RAB10: variants seen among roughly 807,000 people sequenced by gnomAD.
The protein encoded by RAB10 is RAB10, member RAS oncogene family.
RAB10 carries 5 observed loss-of-function variants against 25.7 expected under a neutral mutation model. The ratio of observed to expected loss-of-function variants is 0.19; its 90% CI spans 0.10 to 0.41. The LOEUF (loss-of-function observed/expected upper bound fraction) is 0.41, where lower values mean the gene tolerates loss of function less well. RAB10 is among the 10% of genes least tolerant of loss of function. The pLI, the probability that RAB10 is intolerant of heterozygous loss-of-function variation, is 1.00. For synonymous variants in RAB10, 89 were observed against 86.4 expected, an observed-to-expected ratio of 1.03 and a Z score of -0.16; for missense variants, 103 against 245.8, an observed-to-expected ratio of 0.42 and a Z score of 3.89.
chr2:26,062,492 A>G (rs1394980918), intron 1 of RAB10, among the ~76,000 whole-genome samples: 3 of 151,994 alleles, frequency 2.0e-5, no homozygotes, highest in African/African-American at 7.3e-5. Context: ...AGCATGGTCA[A>G]CCTGGTGAGA....
rs35749938 is a variant in RAB10, at chr2:26,104,737, A to ATTT, written c.189-5015_189-5013dup. Among the ~76,000 whole-genome samples the ATTT allele has an allele frequency of 2.6e-3, 346 of 133,374 alleles. 3 individuals carry two copies. Among genetic ancestry groups the ATTT allele is most frequent in the African/African-American group, 9.2e-3 (330 of 35,904 alleles). 87.5% of individuals were successfully genotyped at this position (133,374 alleles called of 152,430 possible). On this transcript the variant is annotated intron_variant, in intron 2 of 5. Transcript: ENST00000264710. ...TTAGGTCTTGATCTGTTTTGAGGTA[A>ATTT]TTTTTTTTTTTTTTTTTTGAGATGG...
intron 1 of RAB10, among the ~76,000 whole-genome samples, chr2:26,085,030 C>A (rs2149275134): frequency 6.6e-6 from 1 of 152,278 alleles, no homozygotes; most frequent in South Asian, 2.1e-4. Flanking sequence ...TTCAATTTAG[C>A]TTTGATTCTG....
At chr2:26,046,736 A>G (rs940997813) in intron 1 of RAB10, among the ~76,000 whole-genome samples, 4 of 152,184 alleles carry the variant, frequency 2.6e-5, no homozygotes, top group Admixed American at 1.3e-4. Context: ...TGTGTTTCAC[A>G]TACGACCCAG....
intron 3 of RAB10, among the ~76,000 whole-genome samples, chr2:26,117,614 C>T (rs768019245): frequency 9.3e-5 from 12 of 129,322 alleles, no homozygotes; most frequent in East Asian, 4.6e-4. Context: ...AGCGAGACTC[C>T]GTCTCAAAAA....
Position 26,034,492 on chromosome 2 carries a change from T to G in RAB10, c.-117T>G. ...AGGTCGCCCGCGCCGTCTCGAGCCT[T>G]TTTCCCACGCTTCCCCGGTCCTCCG... is the stretch of plus-strand genomic sequence containing the variant. On this transcript the variant is annotated 5_prime_UTR_variant, in exon 1 of 6. Transcript: ENST00000264710. 1 of 1,434,312 alleles carries G rather than the reference T, an allele frequency of 7.0e-7. No homozygotes were observed. The highest frequency in any genetic ancestry group is 9.4e-7 in the Non-Finnish European group (1 of 1,061,940). The allele number at this position is 1,434,312 out of a possible 1,614,324, so 88.8% of individuals were successfully genotyped here. A position where few individuals can be genotyped will look rare whatever the true frequency, so the allele number is the denominator to read the frequency against.
At chr2:26,103,373 C>G (rs552618718) in intron 2 of RAB10, among the ~76,000 whole-genome samples, 1 of 152,130 alleles carries the variant, frequency 6.6e-6, no homozygotes, top group African/African-American at 2.4e-5. Flanking sequence ...TAGGAACAAA[C>G]TTACGAATTT....
At chr2:26,076,524 A>G (rs548394115) in intron 1 of RAB10, among the ~76,000 whole-genome samples, 1 of 152,178 alleles carries the variant, frequency 6.6e-6, no homozygotes, top group Non-Finnish European at 1.5e-5. Flanking sequence ...AGAACACCTT[A>G]TTTTGGAAGG....
intron 1 of RAB10, among the ~76,000 whole-genome samples, chr2:26,091,050 A>C (rs187251583): frequency 6.6e-6 from 1 of 152,256 alleles, no homozygotes; most frequent in African/African-American, 2.4e-5. Context: ...GTGATGTTTC[A>C]AATTAAGGGC....
chr2:26,102,298 A>C (rs1344487145), intron 2 of RAB10, among the ~76,000 whole-genome samples: 1 of 152,162 alleles, frequency 6.6e-6, no homozygotes, highest in Non-Finnish European at 1.5e-5. Context: ...TGTGCCTGGA[A>C]TAATGTCTAG....
chr2:26,132,547 G>A (rs1039766957), intron 5 of RAB10, among the ~76,000 whole-genome samples: 12 of 152,110 alleles, frequency 7.9e-5, no homozygotes, highest in African/African-American at 2.2e-4. Flanking sequence ...GCCACCACGC[G>A]TGACCTGAAA....
intron 1 of RAB10, among the ~76,000 whole-genome samples, chr2:26,081,162 T>TG (rs1322669864): frequency 6.6e-6 from 1 of 152,326 alleles, no homozygotes; most frequent in Middle Eastern, 3.4e-3. Context: ...TGCTCTTCCT[T>TG]GCCTTCTGCC....
chr2:26,123,856 G>C (rs1290552825), intron 3 of RAB10, among the ~76,000 whole-genome samples: 1 of 152,090 alleles, frequency 6.6e-6, no homozygotes, highest in Non-Finnish European at 1.5e-5. Context: ...AAGCAAAAAA[G>C]AAATTACAAT....
chr2:26,064,901 T>G (rs543118994), intron 1 of RAB10, among the ~76,000 whole-genome samples: 1 of 152,166 alleles, frequency 6.6e-6, no homozygotes, highest in Admixed American at 6.5e-5. Context: ...GCGCACACAC[T>G]CACTGTCTTA....
chr2:26,062,302 A>G (rs1666416112), intron 1 of RAB10, among the ~76,000 whole-genome samples: 1 of 152,152 alleles, frequency 6.6e-6, no homozygotes, highest in Admixed American at 6.6e-5. Context: ...TTTGGTGGCA[A>G]TACTTTTTCC....
In RAB10 at chr2:26,061,949, G is replaced by A. The variant is rs549768554; in HGVS notation, c.127+27214G>A. Among the ~76,000 whole-genome samples, 35 of 152,158 alleles carry A rather than the reference G, an allele frequency of 2.3e-4. 1 individual carries two copies. Among genetic ancestry groups the A allele is most frequent in the South Asian group, 2.3e-3 (11 of 4,828 alleles). ...TTGTTGCCCAGGCTAAACATCATAT[G>A]CTTTTAAAGGAACCTGCTGAAACAG... On this transcript the variant is annotated intron_variant, in intron 1 of 5. Transcript: ENST00000264710.
chr2:26,086,632 A>C (rs1329108173), intron 1 of RAB10, among the ~76,000 whole-genome samples: 2 of 152,218 alleles, frequency 1.3e-5, no homozygotes, highest in Non-Finnish European at 2.9e-5. Context: ...ACTCAAATAC[A>C]TGTATATGCA....
At chr2:26,087,251 A>G (rs1667006810) in intron 1 of RAB10, among the ~76,000 whole-genome samples, 1 of 152,154 alleles carries the variant, frequency 6.6e-6, no homozygotes, top group Admixed American at 6.5e-5. Flanking sequence ...TAAGTAAATT[A>G]CCTTGAACTC....
intron 1 of RAB10, among the ~76,000 whole-genome samples, chr2:26,045,539 G>A (rs1210970133): frequency 6.8e-6 from 1 of 146,952 alleles, no homozygotes; most frequent in Non-Finnish European, 1.5e-5. Flanking sequence ...GCGCCCGGCC[G>A]TCTAACAGTA....
intron 1 of RAB10, among the ~76,000 whole-genome samples, chr2:26,075,988 A>T (rs528621584): frequency 6.6e-6 from 1 of 152,146 alleles, no homozygotes; most frequent in Non-Finnish European, 1.5e-5. Flanking sequence ...CAATAAGGGC[A>T]GGCCAAAAAG....
Sources: gnomAD v4.1 joint callset for allele counts (sites outside exome capture counted in the v4.1 genomes callset) on GRCh38, gnomAD v4.1.1 for gene constraint, MANE v1.5 for transcripts, NCBI Gene and HGNC (gene_info 2026-07-23, HGNC 2026-07-21) for gene names.